Variants in MGST1 observed in about 807,000 individuals in gnomAD.
MGST1 encodes microsomal glutathione S-transferase 1.
Under a neutral mutation model 8.9 loss-of-function variants are expected in MGST1, and 5 were observed. That is an observed-to-expected ratio of 0.56 (90% CI 0.29 to 1.19). The LOEUF (loss-of-function observed/expected upper bound fraction) is 1.19, where lower values mean the gene tolerates loss of function less well. MGST1 is among the 50% of genes most tolerant of loss of function. The probability of loss-of-function intolerance (pLI) is 0.08; values close to 1 mark genes in which losing one functional copy is unlikely to be tolerated. For synonymous variants in MGST1, 54 were observed against 67.8 expected (o/e 0.80, Z 1.00); for missense variants, 182 against 187.4 (o/e 0.97, Z 0.17).
At position 16,520,578 on chromosome 12, in the gene MGST1, C is replaced by T. The variant is rs114097989; in HGVS notation, n.483-68950C>T. 2.6e-3 allele frequency among the ~76,000 whole-genome samples: 398 copies of T among 151,970 alleles called. 1 individual carries two copies. The highest frequency in any genetic ancestry group is 9.3e-3 in the African/African-American group (385 of 41,448). On this transcript the variant is annotated intron_variant and non_coding_transcript_variant, in intron 4 of 4. Coordinates refer to the MGST1 transcript ENST00000538857. ...GGGGAAGATGTGTGAGCGTGTGGTA[C>T]GTGGTGTGGGAAACAATAGGGAGGT...
intron 4 of MGST1, among the ~76,000 whole-genome samples, chr12:16,498,159 G>C (rs962240534): frequency 6.6e-6 from 1 of 152,116 alleles, no homozygotes; most frequent in African/African-American, 2.4e-5. Flanking sequence ...GTACTTTTGA[G>C]TTATCATTAT....
intron 1 of MGST1, among the ~76,000 whole-genome samples, chr12:16,386,327 C>T (rs1940503682): frequency 6.6e-6 from 1 of 152,188 alleles, no homozygotes; most frequent in South Asian, 2.1e-4. Context: ...TCCGCAGGCT[C>T]TGAAGAAGCA....
chr12:16,498,515 T>C (rs1378115459), intron 4 of MGST1, among the ~76,000 whole-genome samples: 2 of 152,186 alleles, frequency 1.3e-5, no homozygotes, highest in Non-Finnish European at 1.5e-5. Flanking sequence ...AAGGCTGACA[T>C]AGAGTGCAAG....
At chr12:16,358,832 G>C (rs1393090562) in intron 3 of MGST1, among the ~76,000 whole-genome samples, 1 of 106,350 alleles carries the variant, frequency 9.4e-6, no homozygotes, top group Middle Eastern at 9.6e-3. Context: ...ATTCCATGGT[G>C]TATACGTACC....
At chr12:16,579,400 A>G (rs1298044877) in intron 4 of MGST1, among the ~76,000 whole-genome samples, 1 of 152,138 alleles carries the variant, frequency 6.6e-6, no homozygotes, top group East Asian at 1.9e-4. Context: ...ATGAGAAACA[A>G]TTTTTTTGGT....
intron 4 of MGST1, among the ~76,000 whole-genome samples, chr12:16,484,397 GTTT>G (rs1174793057): frequency 2.4e-4 from 37 of 151,038 alleles, no homozygotes; most frequent in Non-Finnish European, 4.0e-4. Flanking sequence ...TAAAGAATCT[GTTT>G]TTTGTTTGTT....
intron 4 of MGST1, among the ~76,000 whole-genome samples, chr12:16,578,591 G>A (rs1270939339): frequency 6.6e-6 from 1 of 152,144 alleles, no homozygotes; most frequent in Non-Finnish European, 1.5e-5. Flanking sequence ...GCTGAGGCGG[G>A]TGGATCACTT....
intron 4 of MGST1, among the ~76,000 whole-genome samples, chr12:16,509,951 C>T (rs904025589): frequency 6.6e-6 from 1 of 152,152 alleles, no homozygotes. Context: ...TAATATAGCT[C>T]TCTTGATCCT....
At chr12:16,442,939 T>A (rs1400639269), downstream of MGST1, among the ~76,000 whole-genome samples, 9 of 151,894 alleles carry the variant, frequency 5.9e-5, no homozygotes, top group Non-Finnish European at 8.8e-5. This position sits in a 1 kb window ranked among gnomAD's most constrained non-coding sequence, Gnocchi z 4.5. Context: ...TACCTGCTTA[T>A]ACACTGTTAC....
chr12:16,408,506 T>C (rs2137070636), intron 1 of MGST1, among the ~76,000 whole-genome samples: 1 of 152,360 alleles, frequency 6.6e-6, no homozygotes, highest in Non-Finnish European at 1.5e-5. Flanking sequence ...CTTCCATTAA[T>C]TTTGTTGGGA....
intron 4 of MGST1, among the ~76,000 whole-genome samples, chr12:16,490,118 C>G (rs1941429272): frequency 6.6e-6 from 1 of 151,950 alleles, no homozygotes. Flanking sequence ...AAAAAAGTAG[C>G]TGGGCATGAT....
At chr12:16,417,676 A>T (rs1940799051) in intron 1 of MGST1, among the ~76,000 whole-genome samples, 1 of 152,158 alleles carries the variant, frequency 6.6e-6, no homozygotes, top group African/African-American at 2.4e-5. Context: ...GGTATGCTCA[A>T]CAGTAAAGTA....
rs561663988 is a variant in MGST1 at position 16,418,116 on chromosome 12, A to G, written n.779-19272A>G. On this transcript the variant is annotated intron_variant and non_coding_transcript_variant, in intron 1 of 1. Coordinates refer to the MGST1 transcript ENST00000359720. ...TCAAAGCAGGGCAAAGGGAACTCACAATTACTGAGTATCATCCATGGGCCC... is the reference window on the plus strand; with the variant it reads ...TCAAAGCAGGGCAAAGGGAACTCACGATTACTGAGTATCATCCATGGGCCC... Among the ~76,000 whole-genome samples the G allele has an allele frequency of 2.6e-5, 4 of 152,250 alleles. No homozygotes were observed. In the East Asian group the frequency reaches 7.7e-4, roughly 29 times the overall value.
downstream of MGST1, among the ~76,000 whole-genome samples, chr12:16,365,988 T>C (rs1231319631): frequency 6.6e-6 from 1 of 152,238 alleles, no homozygotes; most frequent in Non-Finnish European, 1.5e-5. Flanking sequence ...GTCAGGTCTT[T>C]GTTGAACCAT....
chr12:16,498,489 G>A (rs1323680700), intron 4 of MGST1, among the ~76,000 whole-genome samples: 1 of 152,112 alleles, frequency 6.6e-6, no homozygotes, highest in East Asian at 1.9e-4. Flanking sequence ...ATGTTCCTAC[G>A]TGGATTTATC....
At position 16,363,322 on chromosome 12, in the gene MGST1, T is replaced by C. The variant is rs879471874; in HGVS notation, c.222-473T>C. On this transcript the variant is annotated intron_variant, in intron 3 of 3. Coordinates refer to ENST00000396210, the MANE Select transcript of MGST1 (RefSeq NM_020300.5). This position sits in a 1 kb window ranked among gnomAD's most constrained non-coding sequence, Gnocchi z 4.6. ...AATTAATTATTGGCAACCTAGTGGT[T>C]TGGGTTGGCAAGGATTCTGTCAATA... 6.6e-6 allele frequency: 1 copy of C among 152,168 alleles called. No homozygotes were observed. The highest frequency in any genetic ancestry group is 2.4e-5 in the African/African-American group (1 of 41,436). The allele number at this position is 152,168 out of a possible 1,614,324, so 9.4% of individuals were successfully genotyped here.
chr12:16,428,251 T>C (rs957505276), intron 1 of MGST1, among the ~76,000 whole-genome samples: 1 of 151,906 alleles, frequency 6.6e-6, no homozygotes, highest in Admixed American at 6.6e-5. Flanking sequence ...ATCCTATATT[T>C]TGGCTTATTT....
chr12:16,468,669 C>G (rs1304749744), intron 4 of MGST1, among the ~76,000 whole-genome samples: 1 of 152,124 alleles, frequency 6.6e-6, no homozygotes, highest in African/African-American at 2.4e-5. Flanking sequence ...TGTTGGAGTG[C>G]TATATACAAA....
chr12:16,578,612 G>T (rs2137513959), intron 4 of MGST1, among the ~76,000 whole-genome samples: 1 of 152,302 alleles, frequency 6.6e-6, no homozygotes, highest in East Asian at 1.9e-4. Context: ...GAGGTCAGGA[G>T]TTCGAGACCA....
Sources: allele counts gnomAD v4.1 joint callset (sites outside exome capture counted in the v4.1 genomes callset), GRCh38; gene constraint gnomAD v4.1.1; non-coding constraint Gnocchi (gnomAD v3.1); transcripts MANE v1.5; gene names NCBI Gene and HGNC (gene_info 2026-07-23, HGNC 2026-07-21).